PTK2: variants seen among roughly 807,000 people sequenced by gnomAD.
PTK2 encodes the protein protein tyrosine kinase 2.
In PTK2, 45 loss-of-function variants were observed where a neutral mutation model predicts 150.1. The observed-to-expected ratio is 0.30, with a 90% CI of 0.24 to 0.38. PTK2 has a LOEUF of 0.38. Among genes scored for constraint, PTK2 ranks in the 10% least tolerant of loss-of-function variants. PTK2 has a pLI of 1.00. For synonymous variants in PTK2, 432 were observed against 449.2 expected (o/e 0.96, Z 0.48); for missense variants, 919 against 1,307.3 (o/e 0.70, Z 4.58).
At chr8:140,732,595 A>G (rs925869245) in intron 22 of PTK2, 1 of 530,320 alleles carries the variant, frequency 1.9e-6, no homozygotes, top group African/African-American at 1.9e-5. Context: ...GTCCTCAAGG[A>G]GCTTCAGTCT....
chr8:140,943,650 A>T (rs748927768), intron 1 of PTK2, among the ~76,000 whole-genome samples: 2 of 152,212 alleles, frequency 1.3e-5, no homozygotes, highest in African/African-American at 2.4e-5. Flanking sequence ...AAAGTGCCAA[A>T]CTGATTTCTT....
At chr8:140,715,634 TC>T (rs2100039292) in intron 23 of PTK2, among the ~76,000 whole-genome samples, 1 of 152,126 alleles carries the variant, frequency 6.6e-6, no homozygotes, top group African/African-American at 2.4e-5. Context: ...ATGAGTGTGT[TC>T]CAATAAAACT....
intron 5 of PTK2, among the ~76,000 whole-genome samples, chr8:140,850,656 G>C (rs1329215104): frequency 6.6e-6 from 1 of 152,122 alleles, no homozygotes; most frequent in Non-Finnish European, 1.5e-5. Flanking sequence ...CGTGAACGCG[G>C]GAGGCGGAGC....
chr8:140,845,688 T>G (rs909111036), intron 7 of PTK2, among the ~76,000 whole-genome samples: 1 of 152,192 alleles, frequency 6.6e-6, no homozygotes, highest in Admixed American at 6.5e-5. Context: ...CTCTGGCACT[T>G]AGCTACAAAG....
intron 2 of PTK2, among the ~76,000 whole-genome samples, chr8:140,920,501 A>G (rs952996599): frequency 2.6e-5 from 4 of 152,202 alleles, no homozygotes; most frequent in African/African-American, 9.6e-5. Flanking sequence ...TTTATTCCTT[A>G]AAAACTTCCA....
intron 26 of PTK2, among the ~76,000 whole-genome samples, chr8:140,688,917 G>A (rs1448879683): frequency 2.0e-5 from 3 of 152,228 alleles, no homozygotes; most frequent in African/African-American, 7.2e-5. Context: ...CTAGAGGCAT[G>A]CAGTTGGCGA....
intron 1 of PTK2, among the ~76,000 whole-genome samples, chr8:140,930,290 CAT>C (rs1454652310): frequency 2.0e-5 from 3 of 152,136 alleles, no homozygotes; most frequent in Middle Eastern, 3.4e-3. Context: ...AAAACAGAAA[CAT>C]ATCAAAAAAA....
At chr8:140,887,822 TCTTA>T (rs2100152873) in intron 3 of PTK2, among the ~76,000 whole-genome samples, 2 of 152,236 alleles carry the variant, frequency 1.3e-5, no homozygotes, top group Admixed American at 1.3e-4. Context: ...TATTCTGTTT[TCTTA>T]CTCTTTGAAA....
chr8:140,755,592 G>A (rs2100065203), intron 16 of PTK2, among the ~76,000 whole-genome samples: 1 of 152,126 alleles, frequency 6.6e-6, no homozygotes, highest in Non-Finnish European at 1.5e-5. Flanking sequence ...AGTTCTTTCT[G>A]AGCATCCCAT....
chr8:140,749,327 G>C lies in PTK2; in HGVS notation c.1418-2467C>G, dbSNP rs192783114. ...CAACCGTACTTTCAATTTACTGTAA[G>C]TAACTATTTATTATAACTTTTGGTT... is the stretch of plus-strand genomic sequence containing the variant. On this transcript the variant is annotated intron_variant, in intron 17 of 31. Transcript: ENST00000522684. 3.7e-3 allele frequency among the ~76,000 whole-genome samples: 559 copies of C among 152,226 alleles called. 3 individuals are homozygous for C. The highest frequency in any genetic ancestry group is 6.0e-3 in the Non-Finnish European group (407 of 68,014).
intron 1 of PTK2, among the ~76,000 whole-genome samples, chr8:140,978,192 G>T (rs1210400049): frequency 6.6e-6 from 1 of 152,186 alleles, no homozygotes; most frequent in African/African-American, 2.4e-5. Context: ...TCAGGACATA[G>T]GCATGGGCAA....
intron 7 of PTK2, among the ~76,000 whole-genome samples, chr8:140,841,204 G>A (rs781278816): frequency 6.6e-6 from 1 of 152,040 alleles, no homozygotes; most frequent in Non-Finnish European, 1.5e-5. Flanking sequence ...ATCACACAAA[G>A]CAAATACAAC....
chr8:140,823,901 G>GT (rs1346769888), intron 8 of PTK2, among the ~76,000 whole-genome samples: 1 of 151,948 alleles, frequency 6.6e-6, no homozygotes, highest in Non-Finnish European at 1.5e-5. Flanking sequence ...CTTTACGCCC[G>GT]TAACATTCTT....
At chr8:140,944,604 G>T (rs549644389) in intron 1 of PTK2, among the ~76,000 whole-genome samples, 4 of 152,318 alleles carry the variant, frequency 2.6e-5, no homozygotes, top group African/African-American at 7.2e-5. Flanking sequence ...ACATGACAGC[G>T]ATTACGATTT....
intron 7 of PTK2, among the ~76,000 whole-genome samples, chr8:140,841,660 C>T (rs971105576): frequency 7.9e-5 from 12 of 151,560 alleles, no homozygotes; most frequent in African/African-American, 2.2e-4. Flanking sequence ...AAGAAAATGA[C>T]GAGCTGGGAA....
chr8:140,714,822 A>AAAAAAAAT (rs2100038734), intron 23 of PTK2, among the ~76,000 whole-genome samples: 2 of 148,590 alleles, frequency 1.3e-5, no homozygotes, highest in Non-Finnish European at 3.0e-5. Context: ...AAAAAAAAAA[A>AAAAAAAAT]TCTAAGTAAG....
intron 20 of PTK2, among the ~76,000 whole-genome samples, chr8:140,742,714 T>C: frequency 6.6e-6 from 1 of 152,234 alleles, no homozygotes; most frequent in Non-Finnish European, 1.5e-5. Context: ...CTTTGTGTCA[T>C]TTTTACTAAG....
intron 2 of PTK2, 132 bp downstream of exon 2, chr8:140,925,529 C>A (rs2100169125): frequency 1.2e-5 from 7 of 594,940 alleles, no homozygotes; most frequent in Non-Finnish European, 1.5e-5. Context: ...TGGTTAAAAT[C>A]AAAGAAATAT....
chr8:140,855,372 G>A (rs984819190), intron 5 of PTK2, among the ~76,000 whole-genome samples: 3 of 152,086 alleles, frequency 2.0e-5, no homozygotes, highest in Non-Finnish European at 2.9e-5. Context: ...GAGGCGGGTG[G>A]ATCACGAGGT....
Sources: gnomAD v4.1 joint callset for allele counts (sites outside exome capture counted in the v4.1 genomes callset) on GRCh38, gnomAD v4.1.1 for gene constraint, MANE v1.5 for transcripts, NCBI Gene and HGNC (gene_info 2026-07-23, HGNC 2026-07-21) for gene names.